Variants in CTNNA2 observed in about 807,000 individuals in gnomAD.
CTNNA2 encodes the protein catenin alpha 2.
In CTNNA2, 42 loss-of-function variants were observed where a neutral mutation model predicts 101.0. That is an observed-to-expected ratio of 0.42 (90% CI 0.32 to 0.54). CTNNA2 has a LOEUF of 0.54. Among genes scored for constraint, CTNNA2 ranks in the 20% least tolerant of loss-of-function variants. The pLI, the probability that CTNNA2 is intolerant of heterozygous loss-of-function variation, is 0.14. For missense variants in CTNNA2, 871 were observed against 1,223.1 expected, an observed-to-expected ratio of 0.71 and a Z score of 4.29; for synonymous variants, 450 against 456.4, an observed-to-expected ratio of 0.99 and a Z score of 0.18.
chr2:80,265,053 C>T (rs542795207), intron 7 of CTNNA2, among the ~76,000 whole-genome samples: 29 of 150,702 alleles, frequency 1.9e-4, no homozygotes, highest in African/African-American at 6.8e-4. Context: ...TGGCTCACTG[C>T]AACCTCCGCC....
chr2:80,358,343 C>CTTTTTTT (rs35040432), intron 7 of CTNNA2, among the ~76,000 whole-genome samples: 17 of 99,724 alleles, frequency 1.7e-4, no homozygotes, highest in Non-Finnish European at 2.5e-4. Context: ...TAGTATTCTA[C>CTTTTTTT]TTTTTTTTTT....
chr2:80,232,321 TTTTGTTTGTTTGTTTG>T (rs71386616), intron 7 of CTNNA2, among the ~76,000 whole-genome samples: 14 of 110,992 alleles, frequency 1.3e-4, no homozygotes, highest in East Asian at 1.0e-3. Flanking sequence ...AGAATTTGGG[TTTTGTTTGTTTGTTTG>T]TTTGTTTGTT....
intron 7 of CTNNA2, among the ~76,000 whole-genome samples, chr2:80,257,038 G>T (rs575891745): frequency 3.9e-5 from 6 of 152,112 alleles, no homozygotes; most frequent in African/African-American, 1.2e-4. Flanking sequence ...TTCCTCTTTA[G>T]TTAAAATCGA....
chr2:80,513,862 G>A (rs1380940969), intron 9 of CTNNA2, among the ~76,000 whole-genome samples: 1 of 151,992 alleles, frequency 6.6e-6, no homozygotes, highest in African/African-American at 2.4e-5. Flanking sequence ...TCTATTTTCT[G>A]GATTCTTCCC....
chr2:80,173,130 T>C (rs1705176378), intron 7 of CTNNA2, among the ~76,000 whole-genome samples: 1 of 152,204 alleles, frequency 6.6e-6, no homozygotes. Context: ...CAAAAAATAA[T>C]GTGCCACCAA....
chr2:79,760,718 T>C (rs1443088793), intron 3 of CTNNA2, among the ~76,000 whole-genome samples: 1 of 152,242 alleles, frequency 6.6e-6, no homozygotes, highest in Non-Finnish European at 1.5e-5. Context: ...TGATAAGTAA[T>C]GCTATGCCAA....
intron 3 of CTNNA2, among the ~76,000 whole-genome samples, chr2:79,839,608 T>G (rs1021926935): frequency 6.6e-6 from 1 of 152,196 alleles, no homozygotes; most frequent in African/African-American, 2.4e-5. Context: ...TTCCTATTTC[T>G]TCAACTATTT....
chr2:79,749,117 A>G (rs763552077), intron 3 of CTNNA2, among the ~76,000 whole-genome samples: 1 of 152,012 alleles, frequency 6.6e-6, no homozygotes, highest in East Asian at 1.9e-4. Context: ...ACCTTCATTC[A>G]ACCCAAAACG....
chr2:80,475,600 G>A (rs1264510856), intron 9 of CTNNA2, among the ~76,000 whole-genome samples: 1 of 152,114 alleles, frequency 6.6e-6, no homozygotes. Flanking sequence ...GTGAAGTGGA[G>A]GTGGGAGATT....
At chr2:79,258,781 T>C (rs1674881369) in intron 2 of CTNNA2, among the ~76,000 whole-genome samples, 1 of 137,682 alleles carries the variant, frequency 7.3e-6, no homozygotes, top group African/African-American at 2.8e-5. Flanking sequence ...GGGGAACTTG[T>C]GCACCTAGGC....
intron 7 of CTNNA2, among the ~76,000 whole-genome samples, chr2:80,373,236 AT>A (rs777639199): frequency 4.6e-5 from 7 of 152,096 alleles, no homozygotes; most frequent in Admixed American, 2.6e-4. Context: ...GAGTGAATGA[AT>A]CAGGACCAAT....
intron 18 of CTNNA2, among the ~76,000 whole-genome samples, chr2:80,628,345 A>AAC (rs1671907701): frequency 6.6e-6 from 1 of 152,064 alleles, no homozygotes; most frequent in African/African-American, 2.4e-5. Flanking sequence ...TGGAGGCATC[A>AAC]CGTTACCTGA....
At chr2:79,368,399 C>T (rs2104452762) in intron 3 of CTNNA2, among the ~76,000 whole-genome samples, 1 of 152,312 alleles carries the variant, frequency 6.6e-6, no homozygotes, top group East Asian at 1.9e-4. Flanking sequence ...TCTTAGAATT[C>T]CCTTCTGCAA....
chr2:79,953,154 G>C (rs1689001709), intron 7 of CTNNA2, among the ~76,000 whole-genome samples: 1 of 152,078 alleles, frequency 6.6e-6, no homozygotes, highest in African/African-American at 2.4e-5. Flanking sequence ...CTGTCCTTCA[G>C]AGCCCTTCTC....
chr2:80,012,858 C>T (rs531055962), intron 7 of CTNNA2, among the ~76,000 whole-genome samples: 48 of 152,234 alleles, frequency 3.2e-4, no homozygotes, highest in African/African-American at 1.1e-3. Context: ...CTGTTCCATG[C>T]TCTTCTAAAA....
chr2:79,543,187 C>T (rs1262873491), intron 1 of CTNNA2, among the ~76,000 whole-genome samples: 4 of 151,960 alleles, frequency 2.6e-5, no homozygotes, highest in African/African-American at 4.8e-5. Context: ...TTTCGGAACA[C>T]GTTCATAATT....
chr2:80,070,401 G>T lies in CTNNA2; in HGVS notation c.1056+160604G>T, dbSNP rs555989399. ...TGGTTGCATAAAGCAACAGAAATTT[G>T]TTTTTTCACAGTTTTAGCATCCAGA... On this transcript the variant is annotated intron_variant, in intron 7 of 18. Coordinates refer to ENST00000402739, the MANE Select transcript of CTNNA2 (RefSeq NM_001282597.3). Among the ~76,000 whole-genome samples the T allele has an allele frequency of 2.1e-4, 32 of 152,206 alleles. No individual in the cohort carries two copies. In the East Asian group the frequency reaches 6.2e-3, roughly 29 times the overall value.
chr2:79,240,373 C>T (rs1332281378), intron 2 of CTNNA2, among the ~76,000 whole-genome samples: 2 of 152,102 alleles, frequency 1.3e-5, no homozygotes, highest in South Asian at 4.1e-4. Flanking sequence ...CTTCCTCCCA[C>T]CCTCTATCCT....
intron 9 of CTNNA2, among the ~76,000 whole-genome samples, chr2:80,538,120 T>G (rs1484531019): frequency 2.0e-5 from 3 of 151,772 alleles, no homozygotes; most frequent in African/African-American, 7.3e-5. Context: ...TTCTGGAAAT[T>G]AGATCTTTGT....
Sources: allele counts gnomAD v4.1 joint callset (sites outside exome capture counted in the v4.1 genomes callset), GRCh38; gene constraint gnomAD v4.1.1; transcripts MANE v1.5; gene names NCBI Gene and HGNC (gene_info 2026-07-23, HGNC 2026-07-21).